ASGR1: variants seen among roughly 807,000 people sequenced by gnomAD.
The protein encoded by ASGR1 is C-type lectin domain family 4 member H1.
A neutral mutation model predicts 33.1 loss-of-function variants in ASGR1; 35 were observed. That is an observed-to-expected ratio of 1.06 (90% CI 0.81 to 1.40). The LOEUF is 1.40. ASGR1 is among the 40% of genes most tolerant of loss of function. The probability of loss-of-function intolerance (pLI) is 0.00; values close to 1 mark genes in which losing one functional copy is unlikely to be tolerated. For synonymous variants in ASGR1, 142 were observed against 152.5 expected (o/e 0.93, Z 0.51); for missense variants, 396 against 373.7 (o/e 1.06, Z -0.49).
intron 5 of ASGR1, among the ~76,000 whole-genome samples, chr17:7,175,362 C>T (rs2069184782): frequency 6.7e-6 from 1 of 150,016 alleles, no homozygotes; most frequent in Non-Finnish European, 1.5e-5. Flanking sequence ...ACACACAACA[C>T]ACCCTCACCC....
chr17:7,174,741 A>G (rs1295441185), intron 5 of ASGR1, among the ~76,000 whole-genome samples: 1 of 151,214 alleles, frequency 6.6e-6, no homozygotes, highest in Non-Finnish European at 1.5e-5. Flanking sequence ...TAACCCACAT[A>G]CACACACACG....
At chr17:7,175,923 C>T (rs1567793168) in intron 5 of ASGR1, among the ~76,000 whole-genome samples, 1 of 139,196 alleles carries the variant, frequency 7.2e-6, no homozygotes, top group Non-Finnish European at 1.5e-5. Flanking sequence ...AGACACAATC[C>T]CTCTCATTCC....
In ASGR1 at chr17:7,174,055, G is replaced by A. The variant is rs769527434; in HGVS notation, c.607C>T (p.His203Tyr). Reference protein sequence around the residue: ...TSWEEQKFVQHHIGPVNTWMG... With the variant: ...TSWEEQKFVQYHIGPVNTWMG... ...CAGGTGTTCACAGGGCCTATGTGGT[G>A]CTGGACAAATTTCTGAGGAGAGAGA... The change falls in exon 8 of 9, where the codon CAC (histidine) becomes TAC (tyrosine). Residue 203 changes from histidine to tyrosine, a missense_variant. Transcript: ENST00000269299. 3.1e-6 allele frequency: 5 copies of A among 1,614,110 alleles called. No homozygotes were observed. The highest frequency in any genetic ancestry group is 1.1e-5 in the South Asian group (1 of 91,090).
chr17:7,176,619 TACAC>T (rs1343527695), intron 5 of ASGR1: 20 of 623,576 alleles, frequency 3.2e-5, no homozygotes, highest in African/African-American at 6.0e-5. Context: ...CTCACAGACA[TACAC>T]ACTCCCTCTC....
At chr17:7,178,309 G>A (rs1386058628) in intron 2 of ASGR1, 185 bp downstream of exon 2, 1 of 644,628 alleles carries the variant, frequency 1.6e-6, no homozygotes, top group Admixed American at 2.8e-5. Context: ...CACCAATAAA[G>A]GGACTCCAAC....
chr17:7,176,995 C>T lies in ASGR1; in HGVS notation c.269G>A (p.Gly90Asp). Residue 90 changes from glycine to aspartate, a missense_variant, in exon 4 of 9, where the codon GGC becomes GAC. Transcript: ENST00000269299. ...FTASTEAQVK[G>D]LSTQGGNVGR... is the part of the protein sequence containing the mutation. ...AGCGCCCTCACCCTGGGTGCTCAAG[C>T]CCTTGACCTGGGCCTCCGTGCTCGC... The T allele has an allele frequency of 1.2e-6, 2 of 1,611,342 alleles. No individual in the cohort carries two copies. Among genetic ancestry groups the T allele is most frequent in the South Asian group, 1.1e-5 (1 of 90,956 alleles).
intron 5 of ASGR1, 72 bp downstream of exon 5, chr17:7,176,758 T>C: frequency 6.4e-7 from 1 of 1,572,298 alleles, no homozygotes; most frequent in South Asian, 1.1e-5. Context: ...ACACTCACAC[T>C]TTCTCACACA....
chr17:7,175,999 C>G (rs557098598), intron 5 of ASGR1, among the ~76,000 whole-genome samples: 1 of 143,094 alleles, frequency 7.0e-6, no homozygotes, highest in African/African-American at 2.9e-5. Flanking sequence ...GACACATTCT[C>G]ACACATAAAC....
chr17:7,176,673 AAC>A (rs1372319627), intron 5 of ASGR1, 155 bp downstream of exon 5: 10 of 1,096,066 alleles, frequency 9.1e-6, no homozygotes, highest in South Asian at 6.0e-5. Flanking sequence ...ACACACCCAA[AAC>A]ACACTCCCCC....
intron 2 of ASGR1, 133 bp from the exon 3 acceptor site, chr17:7,177,459 G>A (rs1359660057): frequency 1.2e-5 from 8 of 679,386 alleles, no homozygotes; most frequent in African/African-American, 3.6e-5. Context: ...AAATGCGGGC[G>A]GTGGGCGACC....
chr17:7,173,524 T>C lies in ASGR1; in HGVS notation c.*135A>G. ...CGCCACGGGTTTCAAGCTCCTCACC[T>C]TCGGAACATCACCCTATCCTTCCCC... On this transcript the variant is annotated 3_prime_UTR_variant, in exon 9 of 9. Coordinates refer to ENST00000269299, the MANE Select transcript of ASGR1 (RefSeq NM_001671.5). This position sits in a 1 kb window ranked among gnomAD's most constrained non-coding sequence, Gnocchi z 4.7. 1 of 1,262,430 alleles carries C rather than the reference T, an allele frequency of 7.9e-7. No individual in the cohort carries two copies. Among genetic ancestry groups the C allele is most frequent in the Non-Finnish European group, 1.1e-6 (1 of 922,746 alleles). The allele number at this position is 1,262,430 out of a possible 1,614,324, so 78.2% of individuals were successfully genotyped here. A position where few individuals can be genotyped will look rare whatever the true frequency, so the allele number is the denominator to read the frequency against.
intron 2 of ASGR1, chr17:7,177,709 GT>G (rs1225836922): frequency 9.3e-6 from 2 of 214,282 alleles, no homozygotes; most frequent in Non-Finnish European, 1.9e-5. Flanking sequence ...AAGAAGGAAG[GT>G]TTCTTTCTCT....
Position 7,174,307 on chromosome 17 carries a change from G to C in ASGR1, c.443-18C>G, listed in dbSNP as rs1470492747. The C allele has an allele frequency of 6.8e-6, 11 of 1,613,608 alleles. No individual in the cohort carries two copies. The highest frequency in any genetic ancestry group is 8.5e-6 in the Non-Finnish European group (10 of 1,179,676). Reference sequence around the variant, plus strand: ...TTCTGAGCCTGAGCGGGAGAAACGGGGCGCAGGGGCTAAGCGCTGCCCAGA... The same window carrying C: ...TTCTGAGCCTGAGCGGGAGAAACGGCGCGCAGGGGCTAAGCGCTGCCCAGA... On this transcript the variant is annotated intron_variant, in intron 6 of 8. Coordinates refer to ENST00000269299, the MANE Select transcript of ASGR1 (RefSeq NM_001671.5).
intron 3 of ASGR1, 61 bp from the exon 4 acceptor site, chr17:7,177,137 C>T (rs1253180916): frequency 6.2e-7 from 1 of 1,612,384 alleles, no homozygotes; most frequent in Non-Finnish European, 8.5e-7. Context: ...ACCACTGCAC[C>T]CACCACTCCC....
At position 7,178,600 on chromosome 17, in the gene ASGR1, CTG is replaced by C; in HGVS notation, c.-25-14_-25-13del. The C allele has an allele frequency of 6.2e-7, 1 of 1,600,466 alleles. No homozygotes were observed. Among genetic ancestry groups the C allele is most frequent in the Middle Eastern group, 1.7e-4 (1 of 6,006 alleles). ...CGCTGGACCTGGGACTGAGTCAAGA[CTG>C]AGGCTGGGGCTGAGGTGGGGGCTCA... On this transcript the variant is annotated splice_polypyrimidine_tract_variant and intron_variant, in intron 1 of 8. Coordinates refer to ENST00000269299, the MANE Select transcript of ASGR1 (RefSeq NM_001671.5).
At chr17:7,177,681 T>G in intron 2 of ASGR1, 1 of 235,918 alleles carries the variant, frequency 4.2e-6, no homozygotes, top group Non-Finnish European at 8.3e-6. Context: ...GAGTCGCTGC[T>G]TCCCCTGAAA....
chr17:7,177,541 C>T (rs118191346), intron 2 of ASGR1: 6,598 of 535,988 alleles, frequency 0.012, 60 homozygotes, highest in Non-Finnish European at 0.018. Context: ...GCTGAGCCGC[C>T]CCATCCCACC....
chr17:7,177,808 G>C (rs2069235153), intron 2 of ASGR1: 1 of 166,584 alleles, frequency 6.0e-6, no homozygotes, highest in South Asian at 1.5e-4. Context: ...CCACCCAGCA[G>C]GGGGAAGAGA....
rs753347548 is a variant in ASGR1 at position 7,176,798 on chromosome 17, A to T, written c.355+32T>A. On this transcript the variant is annotated intron_variant, in intron 5 of 8. Coordinates refer to ENST00000269299, the MANE Select transcript of ASGR1 (RefSeq NM_001671.5). Reference sequence around the variant, plus strand: ...CACACATTCTCACTCTCTTTCACACACACACACACACACACACACTCCCTC... The same window carrying T: ...CACACATTCTCACTCTCTTTCACACTCACACACACACACACACACTCCCTC... 2,319 of 1,542,996 alleles carry T rather than the reference A, an allele frequency of 1.5e-3. 16 individuals carry two copies. Among genetic ancestry groups the T allele is most frequent in the African/African-American group, 0.014 (981 of 70,340 alleles).
Sources: allele counts gnomAD v4.1 joint callset (sites outside exome capture counted in the v4.1 genomes callset), GRCh38; gene constraint gnomAD v4.1.1; non-coding constraint Gnocchi (gnomAD v3.1); transcripts MANE v1.5; gene names NCBI Gene and HGNC (gene_info 2026-07-23, HGNC 2026-07-21).